Variants in PALM2AKAP2 observed in about 807,000 individuals in gnomAD.
The protein encoded by PALM2AKAP2 is PALM2-AKAP2 fusion protein.
PALM2AKAP2 carries 37 observed loss-of-function variants against 71.5 expected under a neutral mutation model. That is an observed-to-expected ratio of 0.52 (90% CI 0.40 to 0.68). The LOEUF (loss-of-function observed/expected upper bound fraction) is 0.68, where lower values mean the gene tolerates loss of function less well. Among genes scored for constraint, PALM2AKAP2 ranks in the 30% least tolerant of loss-of-function variants. PALM2AKAP2 has a pLI of 0.00. For missense variants in PALM2AKAP2, 1,224 were observed against 1,191.8 expected, an observed-to-expected ratio of 1.03 and a Z score of -0.40; for synonymous variants, 468 against 478.8, an observed-to-expected ratio of 0.98 and a Z score of 0.29.
chr9:109,922,828 C>G (rs1419523507), intron 3 of PALM2AKAP2, among the ~76,000 whole-genome samples: 1 of 152,168 alleles, frequency 6.6e-6, no homozygotes, highest in African/African-American at 2.4e-5. Context: ...GGCTTGAATC[C>G]TTGCTTCAAG....
chr9:110,112,669 T>C, intron 1 of PALM2AKAP2, among the ~76,000 whole-genome samples: 1 of 152,238 alleles, frequency 6.6e-6, no homozygotes, highest in East Asian at 1.9e-4. Flanking sequence ...TAGTCGAGAT[T>C]GTCCCAGTTT....
At chr9:109,922,097 A>AT (rs2131949297) in intron 3 of PALM2AKAP2, among the ~76,000 whole-genome samples, 1 of 152,120 alleles carries the variant, frequency 6.6e-6, no homozygotes, top group South Asian at 2.1e-4. Flanking sequence ...TCTAAGTCTA[A>AT]TGGCCAGTTC....
At chr9:110,087,183 A>G (rs1420389578) in intron 1 of PALM2AKAP2, among the ~76,000 whole-genome samples, 1 of 152,202 alleles carries the variant, frequency 6.6e-6, no homozygotes, top group Middle Eastern at 3.2e-3. Flanking sequence ...ACTCAGCTTT[A>G]TCAGCCCTTG....
At chr9:110,134,352 G>A (rs1835800633) in intron 1 of PALM2AKAP2, among the ~76,000 whole-genome samples, 1 of 151,528 alleles carries the variant, frequency 6.6e-6, no homozygotes, top group Non-Finnish European at 1.5e-5. Context: ...AAAGATATTA[G>A]CAATTATAAA....
intron 1 of PALM2AKAP2, among the ~76,000 whole-genome samples, chr9:109,674,861 T>G (rs1039853155): frequency 6.6e-6 from 1 of 152,064 alleles, no homozygotes; most frequent in Non-Finnish European, 1.5e-5. Context: ...CCCTGACTGA[T>G]GATGGTTTGA....
intron 1 of PALM2AKAP2, among the ~76,000 whole-genome samples, chr9:109,804,133 C>A (rs1827513340): frequency 6.6e-6 from 1 of 152,172 alleles, no homozygotes; most frequent in Non-Finnish European, 1.5e-5. Context: ...CTGCTTTATC[C>A]TGAGTTAAGC....
At chr9:110,171,730 C>T (rs773505987) in exon 4 of PALM2AKAP2, 1 of 152,544 alleles carries the variant, frequency 6.6e-6, no homozygotes, top group Non-Finnish European at 1.5e-5. Flanking sequence ...AGCCCCACCC[C>T]CAAATAGCAC....
intron 1 of PALM2AKAP2, among the ~76,000 whole-genome samples, chr9:109,802,296 T>C (rs1318660319): frequency 1.3e-5 from 2 of 152,182 alleles, no homozygotes; most frequent in African/African-American, 2.4e-5. Flanking sequence ...TGTAGTCACA[T>C]AGGTTCCCCA....
At chr9:110,138,909 A>G (rs1279505325) in intron 2 of PALM2AKAP2, among the ~76,000 whole-genome samples, 1 of 152,202 alleles carries the variant, frequency 6.6e-6, no homozygotes, top group East Asian at 1.9e-4. Context: ...ACTATGTTGG[A>G]ATCAGTAGCT....
At chr9:109,712,639 G>T (rs1828259297) in intron 1 of PALM2AKAP2, among the ~76,000 whole-genome samples, 1 of 152,222 alleles carries the variant, frequency 6.6e-6, no homozygotes, top group African/African-American at 2.4e-5. Context: ...GTTCAAACAA[G>T]CCAATGGCTT....
intron 2 of PALM2AKAP2, among the ~76,000 whole-genome samples, chr9:109,880,297 C>A (rs1220451817): frequency 6.6e-6 from 1 of 152,050 alleles, no homozygotes; most frequent in Non-Finnish European, 1.5e-5. Flanking sequence ...ATTGTTAAAT[C>A]TAGATGAGGT....
chr9:110,023,141 G>C (rs1833104436), intron 7 of PALM2AKAP2, among the ~76,000 whole-genome samples: 1 of 150,860 alleles, frequency 6.6e-6, no homozygotes. Flanking sequence ...CTAGATCCCT[G>C]AGGAATCGCC....
chr9:110,096,426 A>AATTTATTTATTTATTTATTTATGT (rs1834839688), intron 1 of PALM2AKAP2, among the ~76,000 whole-genome samples: 1 of 149,400 alleles, frequency 6.7e-6, no homozygotes, highest in Non-Finnish European at 1.5e-5. Context: ...ATTATGCCTG[A>AATTTATTTATTTATTTATTTATGT]ATTTATTTAT....
intron 1 of PALM2AKAP2, among the ~76,000 whole-genome samples, chr9:109,768,006 T>TGGGA (rs1441815974): frequency 9.9e-6 from 1 of 101,044 alleles, no homozygotes; most frequent in African/African-American, 4.8e-5. Flanking sequence ...CAAAGGCAGG[T>TGGGA]AGGTAGGAAG....
At chr9:110,149,008 A>G (rs1339445214) in intron 2 of PALM2AKAP2, among the ~76,000 whole-genome samples, 1 of 152,178 alleles carries the variant, frequency 6.6e-6, no homozygotes, top group Non-Finnish European at 1.5e-5. Context: ...GGTGGGAGGA[A>G]TTGCAGATTC....
chr9:109,966,014 C>T (rs558443130), intron 6 of PALM2AKAP2, among the ~76,000 whole-genome samples: 83 of 152,164 alleles, frequency 5.5e-4, no homozygotes, highest in African/African-American at 2.0e-3. Context: ...GATGGGGACC[C>T]GGTGATGATG....
intron 6 of PALM2AKAP2, among the ~76,000 whole-genome samples, chr9:109,981,884 T>C (rs1247304140): frequency 6.6e-6 from 1 of 152,038 alleles, no homozygotes; most frequent in Non-Finnish European, 1.5e-5. Flanking sequence ...TGGAGAACAG[T>C]TTAGAAGTTT....
chr9:110,109,523 A>G (rs1421141159), intron 1 of PALM2AKAP2, among the ~76,000 whole-genome samples: 3 of 152,284 alleles, frequency 2.0e-5, no homozygotes, highest in South Asian at 2.1e-4. Context: ...CACAACTGAC[A>G]AGTACTGATG....
intron 7 of PALM2AKAP2, among the ~76,000 whole-genome samples, chr9:110,029,947 A>T (rs1049785248): frequency 6.6e-5 from 10 of 152,232 alleles, no homozygotes; most frequent in African/African-American, 2.2e-4. Flanking sequence ...CTGGTCAGGT[A>T]TCAGAGAGGT....
Sources: allele counts gnomAD v4.1 joint callset (sites outside exome capture counted in the v4.1 genomes callset), GRCh38; gene constraint gnomAD v4.1.1; transcripts MANE v1.5; gene names NCBI Gene and HGNC (gene_info 2026-07-23, HGNC 2026-07-21).